The following KDM7A variants were observed in gnomAD, a reference collection of about 807,000 sequenced individuals.
KDM7A encodes the protein lysine-specific demethylase 7A.
KDM7A carries 28 observed loss-of-function variants against 114.8 expected under a neutral mutation model. That is an observed-to-expected ratio of 0.24 (90% CI 0.18 to 0.33). KDM7A has a LOEUF of 0.33. KDM7A is among the 10% of genes least tolerant of loss of function. The pLI is 1.00. For synonymous variants in KDM7A, 423 were observed against 397.8 expected, an observed-to-expected ratio of 1.06 and a Z score of -0.75; for missense variants, 942 against 1,142.5, an observed-to-expected ratio of 0.82 and a Z score of 2.53.
chr7:140,173,763 C>T (rs1286706142), intron 1 of KDM7A, among the ~76,000 whole-genome samples: 3 of 152,132 alleles, frequency 2.0e-5, no homozygotes, highest in Non-Finnish European at 4.4e-5. Flanking sequence ...TATAAAGGAA[C>T]ATTTTGCTGT....
chr7:140,099,946 C>T lies in KDM7A; in HGVS notation c.1716G>A (p.Ala572=), dbSNP rs377723785. The T allele has an allele frequency of 2.9e-5, 47 of 1,611,930 alleles. No individual in the cohort carries two copies. In the African/African-American group the frequency reaches 4.4e-4, roughly 15 times the overall value. ...GCAGTAATCGTAGATCATTATCTTT[C>T]GCTCTCCATTCAGGTACTGTGGAGG... is the stretch of plus-strand genomic sequence containing the variant. ...QPSSTVPEWR[A]KDNDLRLLLT... Residue 572 remains alanine, a synonymous_variant, in exon 13 of 20, where the codon GCG becomes GCA. Transcript: ENST00000397560.
At chr7:140,100,754 T>TTTGTTTG (rs1554395445) in intron 12 of KDM7A, among the ~76,000 whole-genome samples, 3 of 107,706 alleles carry the variant, frequency 2.8e-5, no homozygotes, top group Non-Finnish European at 5.5e-5. Context: ...ATATATATTT[T>TTTGTTTG]TTTGTTTGTT....
chr7:140,110,019 G>A (rs1344522564), intron 11 of KDM7A, among the ~76,000 whole-genome samples: 1 of 152,062 alleles, frequency 6.6e-6, no homozygotes. Context: ...AACAAATATG[G>A]ATCCTTTCAT....
At chr7:140,147,346 T>C (rs565726469) in intron 1 of KDM7A, among the ~76,000 whole-genome samples, 20 of 152,224 alleles carry the variant, frequency 1.3e-4, no homozygotes, top group Non-Finnish European at 1.3e-4. Context: ...GCAAAATTTT[T>C]TAAAATTCTA....
At chr7:140,139,223 G>A (rs1818916589) in intron 1 of KDM7A, 33 bp from the exon 2 acceptor site, 1 of 1,486,638 alleles carries the variant, frequency 6.7e-7, no homozygotes, top group African/African-American at 1.4e-5. Flanking sequence ...CAGTATGTAA[G>A]TAAGTTGAAA....
At chr7:140,138,815 A>G (rs1818909402) in intron 2 of KDM7A, among the ~76,000 whole-genome samples, 1 of 152,238 alleles carries the variant, frequency 6.6e-6, no homozygotes, top group Admixed American at 6.5e-5. Flanking sequence ...CCAGAAACAG[A>G]AAAATTTTAC....
intron 1 of KDM7A, among the ~76,000 whole-genome samples, chr7:140,145,511 T>C (rs1794330688): frequency 6.6e-6 from 1 of 152,298 alleles, no homozygotes; most frequent in East Asian, 1.9e-4. Flanking sequence ...GTGGAAACAG[T>C]GTGTGGCTAA....
intron 7 of KDM7A, among the ~76,000 whole-genome samples, chr7:140,121,944 C>G (rs1261999600): frequency 6.6e-6 from 1 of 152,198 alleles, no homozygotes; most frequent in Non-Finnish European, 1.5e-5. Context: ...ACATTGCCTA[C>G]AGCAGTGGTT....
At chr7:140,113,448 T>C (rs750971426) in intron 10 of KDM7A, 43 bp downstream of exon 10, 2 of 1,149,334 alleles carry the variant, frequency 1.7e-6, no homozygotes, top group Non-Finnish European at 2.6e-6. Context: ...TTTCCTAATC[T>C]TGTGGCATAA....
chr7:140,144,413 G>GT lies in KDM7A; in HGVS notation c.195-5224dup, dbSNP rs1249666632. Among the ~76,000 whole-genome samples, 5 of 152,252 alleles carry GT rather than the reference G, an allele frequency of 3.3e-5. No homozygotes were observed. The South Asian group carries it at 8.3e-4, about 25-fold the overall frequency. ...TATAAACTCTTGAAATAAAGCATGAGTAAGTCTTCAAGGGTTCGGATCAGA... is the reference window on the plus strand; with the variant it reads ...TATAAACTCTTGAAATAAAGCATGAGTTAAGTCTTCAAGGGTTCGGATCAGA... On this transcript the variant is annotated intron_variant, in intron 1 of 19. Coordinates refer to ENST00000397560, the MANE Select transcript of KDM7A (RefSeq NM_030647.2).
At chr7:140,101,842 C>A (rs545857766) in intron 12 of KDM7A, 109 bp downstream of exon 12, 2 of 739,416 alleles carry the variant, frequency 2.7e-6, no homozygotes, top group East Asian at 2.5e-5. Flanking sequence ...TACAATGCTG[C>A]AGCCAAGATT....
At chr7:140,130,688 A>G (rs528988492) in intron 3 of KDM7A, among the ~76,000 whole-genome samples, 2 of 152,170 alleles carry the variant, frequency 1.3e-5, no homozygotes, top group East Asian at 3.9e-4. Context: ...AAAATTCTAC[A>G]CAACTATCTA....
Position 140,176,720 on chromosome 7 carries a change from CG to C in KDM7A, c.194+23del. Reference sequence around the variant, plus strand: ...GGTCGGTGGCCGGCGGTGGCGGCTGCGGGGCTGGAGGGGGTTTATTTACCTG... The same window carrying C: ...GGTCGGTGGCCGGCGGTGGCGGCTGCGGGCTGGAGGGGGTTTATTTACCTG... On this transcript the variant is annotated intron_variant, in intron 1 of 19. Coordinates refer to ENST00000397560, the MANE Select transcript of KDM7A (RefSeq NM_030647.2). This position sits in a 1 kb window ranked among gnomAD's most constrained non-coding sequence, Gnocchi z 4.4. 1 of 1,240,364 alleles carries C rather than the reference CG, an allele frequency of 8.1e-7. No homozygotes were observed. Among genetic ancestry groups the C allele is most frequent in the African/African-American group, 1.6e-5 (1 of 63,000 alleles). 76.8% of individuals were successfully genotyped at this position (1,240,364 alleles called of 1,614,324 possible). A position where few individuals can be genotyped will look rare whatever the true frequency, so the allele number is the denominator to read the frequency against.
chr7:140,121,046 G>A lies in KDM7A; in HGVS notation c.1052-517C>T, dbSNP rs576668949. Among the ~76,000 whole-genome samples, 5 of 152,218 alleles carry A rather than the reference G, an allele frequency of 3.3e-5. No homozygotes were observed. In the East Asian group the frequency reaches 5.8e-4, roughly 18 times the overall value. On this transcript the variant is annotated intron_variant, in intron 7 of 19. Coordinates refer to ENST00000397560, the MANE Select transcript of KDM7A (RefSeq NM_030647.2). ...ACTGGGATTGATGGGACACTCCATCGCCCTGGTGTCATCCTGAAATCAGTG... is the reference window on the plus strand; with the variant it reads ...ACTGGGATTGATGGGACACTCCATCACCCTGGTGTCATCCTGAAATCAGTG...
intron 3 of KDM7A, among the ~76,000 whole-genome samples, chr7:140,130,067 G>A (rs962383556): frequency 2.6e-5 from 4 of 151,906 alleles, no homozygotes; most frequent in African/African-American, 7.3e-5. Context: ...CAGCTGCTAA[G>A]TATAATGCAA....
chr7:140,119,299 T>TA (rs1818581407), intron 8 of KDM7A, 80 bp from the exon 9 acceptor site: 6 of 744,706 alleles, frequency 8.1e-6, no homozygotes, highest in African/African-American at 3.6e-5. Context: ...GAAAATAAAA[T>TA]AACCAGGTCA....
rs1817908595 is a variant in KDM7A at position 140,085,316 on chromosome 7, T to C, written c.*5778A>G. The C allele has an allele frequency of 6.6e-6, 1 of 152,098 alleles. No individual in the cohort carries two copies. The highest frequency in any genetic ancestry group is 6.6e-5 in the Admixed American group (1 of 15,266). The allele number at this position is 152,098 out of a possible 1,614,324, so 9.4% of individuals were successfully genotyped here. On this transcript the variant is annotated 3_prime_UTR_variant, in exon 20 of 20. Transcript: ENST00000397560. ...AAAACGTTACTACAAAACTAGTAAA[T>C]ACCAGAGCCAACAACTGTCCCCTCT...
intron 1 of KDM7A, among the ~76,000 whole-genome samples, chr7:140,161,767 A>C (rs62491430): frequency 0.067 from 10,125 of 151,694 alleles, 397 homozygotes; most frequent in Non-Finnish European, 0.09. Flanking sequence ...GATGGTCTCG[A>C]TCTCCTGACC....
chr7:140,130,047 T>C (rs1818760914), intron 3 of KDM7A, among the ~76,000 whole-genome samples: 1 of 152,108 alleles, frequency 6.6e-6, no homozygotes. Flanking sequence ...ATTTTCCGAT[T>C]AGGGATGCTC....
Sources: allele counts gnomAD v4.1 joint callset (sites outside exome capture counted in the v4.1 genomes callset), GRCh38; gene constraint gnomAD v4.1.1; non-coding constraint Gnocchi (gnomAD v3.1); transcripts MANE v1.5; gene names NCBI Gene and HGNC (gene_info 2026-07-23, HGNC 2026-07-21).